FCSK: variants seen among roughly 807,000 people sequenced by gnomAD.
FCSK encodes the protein L-fucose kinase.
In FCSK, 123 loss-of-function variants were observed where a neutral mutation model predicts 122.5. That is an observed-to-expected ratio of 1.00 (90% CI 0.87 to 1.17). The LOEUF (loss-of-function observed/expected upper bound fraction) is 1.17, where lower values mean the gene tolerates loss of function less well. FCSK is among the 50% of genes most tolerant of loss of function. FCSK has a pLI of 0.00. For missense variants in FCSK, 1,366 were observed against 1,450.4 expected (o/e 0.94, Z 0.95); for synonymous variants, 620 against 625.5 (o/e 0.99, Z 0.13).
chr16:70,472,996 T>A lies in FCSK; in HGVS notation c.1420T>A (p.Trp474Arg). ...TCCCCACATCAGAGCCTGGGACCTG[T>A]GGGACCCTGAGACGCTGCCCGCAGA... ...KRTGVRAWDL[W>R]DPETLPAEYC... The change falls in exon 15 of 24, where the codon TGG (tryptophan) becomes AGG (arginine). Residue 474 changes from tryptophan to arginine, a missense_variant. Trp to Arg is a moderately radical substitution (Grantham distance 101). Transcript: ENST00000288078. The A allele has an allele frequency of 1.2e-6, 2 of 1,602,684 alleles. No homozygotes were observed. The highest frequency in any genetic ancestry group is 1.7e-6 in the Non-Finnish European group (2 of 1,175,132).
chr16:70,469,316 T>C lies in FCSK; in HGVS notation c.948T>C (p.Leu316=). The C allele has an allele frequency of 1.3e-6, 2 of 1,596,654 alleles. No individual in the cohort carries two copies. Among genetic ancestry groups the C allele is most frequent in the Non-Finnish European group, 1.7e-6 (2 of 1,173,196 alleles). Residue 316 remains leucine (L), a synonymous_variant, in exon 10 of 24, where the codon CTT becomes CTC. Transcript: ENST00000288078. ...GGAGGGAGCTTCGCGATCAGCCCCT[T>C]ACCATGGGTGGGTACTGCCTCTCAG... is the stretch of plus-strand genomic sequence containing the variant. ...QLWRELRDQP[L]TMAYVSSGSY... is the part of the protein sequence containing the mutation.
In FCSK at chr16:70,470,371, T is replaced by C. The variant is rs1324636951; in HGVS notation, c.1013T>C (p.Leu338Pro). ...YMTSSASEFL[L>P]SLTLPGAPGA... is the part of the protein sequence containing the mutation. ...ACCTCCTCAGCCAGTGAGTTCCTGC[T>C]CAGCCTCACACTCCCCGGGGCTCCT... Residue 338 changes from leucine to proline, a missense_variant, in exon 11 of 24, where the codon CTC (leucine) becomes CCC (proline). Leu to Pro is a moderately conservative substitution (Grantham distance 98). Transcript: ENST00000288078. 1 of 1,613,940 alleles carries C rather than the reference T, an allele frequency of 6.2e-7. No individual in the cohort carries two copies.
Position 70,475,722 on chromosome 16 carries a change from G to A in FCSK, c.2596G>A (p.Ala866Thr), listed in dbSNP as rs748657188. ...RAAGRVVGTE[A>T]LIHAVLHLEQ... ...CGCAGGCCGGGTGGTGGGCACGGAA[G>A]CCCTGATCCACGCAGTGCTGCACCT... The change falls in exon 20 of 24, where the codon GCC becomes ACC. Residue 866 changes from alanine (A) to threonine (T), a missense_variant. Ala to Thr is a moderately conservative substitution (Grantham distance 58). Transcript: ENST00000288078. 2 of 1,603,528 alleles carry A rather than the reference G, an allele frequency of 1.2e-6. No individual in the cohort carries two copies. Among genetic ancestry groups the A allele is most frequent in the East Asian group, 4.5e-5 (2 of 44,604 alleles).
intron 16 of FCSK, 24 bp from the exon 17 acceptor site, chr16:70,474,504 C>CA (rs1372019778): frequency 1.0e-5 from 16 of 1,546,164 alleles, no homozygotes; most frequent in Non-Finnish European, 1.4e-5. Flanking sequence ...TGCATGCCAC[C>CA]ATCCCTCCCC....
At position 70,473,344 on chromosome 16, in the gene FCSK, C is replaced by T. The variant is rs1418473539; in HGVS notation, c.1768C>T (p.Leu590=). The change falls in exon 15 of 24, where the codon CTG becomes TTG. Residue 590 remains leucine (L), a synonymous_variant. Coordinates refer to ENST00000288078, the MANE Select transcript of FCSK (RefSeq NM_145059.3). The surrounding 1 kb of genome is among the most constrained non-coding windows in gnomAD (Gnocchi z 4.9). ...EGCPGPLLAT[L]DQVAAGAGDP... ...CTGCCCCGGGCCCCTGCTGGCCACG[C>T]TGGACCAGGGTGAGTGTGCAGGCTG... is the stretch of plus-strand genomic sequence containing the variant. 7.3e-6 allele frequency: 11 copies of T among 1,503,084 alleles called. No individual in the cohort carries two copies. In the East Asian group the frequency reaches 2.5e-4, roughly 34 times the overall value. The allele number at this position is 1,503,084 out of a possible 1,614,324, so 93.1% of individuals were successfully genotyped here.
Position 70,458,218 on chromosome 16 carries a change from G to A in FCSK, c.-23+3588G>A, listed in dbSNP as rs527883198. Among the ~76,000 whole-genome samples the A allele has an allele frequency of 4.0e-5, 6 of 149,614 alleles. No homozygotes were observed. In the East Asian group the frequency reaches 1.2e-3, roughly 29 times the overall value. On this transcript the variant is annotated intron_variant, in intron 1 of 23. Coordinates refer to ENST00000288078, the MANE Select transcript of FCSK (RefSeq NM_145059.3). ...TCTGTCACCCAGGCTGGAGTGCAGTGGAACAATCTCTGCTCACTGCAACCA... is the reference window on the plus strand; with the variant it reads ...TCTGTCACCCAGGCTGGAGTGCAGTAGAACAATCTCTGCTCACTGCAACCA...
intron 11 of FCSK, 63 bp downstream of exon 11, chr16:70,470,489 C>A: frequency 1.9e-6 from 2 of 1,037,232 alleles, no homozygotes; most frequent in Non-Finnish European, 2.9e-6. Context: ...ATGTGGATTC[C>A]CGGGAAGAAA....
chr16:70,464,882 C>A, intron 3 of FCSK: 1 of 667,420 alleles, frequency 1.5e-6, no homozygotes. Flanking sequence ...TGTCTCAAAA[C>A]AACAACAACA....
chr16:70,462,835 G>A (rs17879236), intron 1 of FCSK, among the ~76,000 whole-genome samples: 6,181 of 135,550 alleles, frequency 0.046, 437 homozygotes, highest in African/African-American at 0.16. Context: ...AGTAGAGACG[G>A]GGTTTCACCA....
chr16:70,475,224 C>A, intron 18 of FCSK, 126 bp from the exon 19 acceptor site: 1 of 1,172,796 alleles, frequency 8.5e-7, no homozygotes, highest in Non-Finnish European at 1.2e-6. Flanking sequence ...GGGATGGGGC[C>A]AGTACTGCTG....
At chr16:70,478,183 C>T (rs2048873894) in intron 20 of FCSK, 89 bp from the exon 21 acceptor site, 1 of 1,353,598 alleles carries the variant, frequency 7.4e-7, no homozygotes, top group Non-Finnish European at 1.0e-6. Context: ...CACACTGGTC[C>T]CAGCAAGGGG....
Position 70,463,687 on chromosome 16 carries a change from C to T in FCSK, c.147C>T (p.Asp49=). 6.2e-7 allele frequency: 1 copy of T among 1,613,162 alleles called. No homozygotes were observed. Among genetic ancestry groups the T allele is most frequent in the South Asian group, 1.1e-5 (1 of 91,062 alleles). ...PAGTLLLAVE[D]PEKRVGSGGA... is the part of the protein sequence containing the mutation. ...GGACGCTGTTACTGGCCGTGGAGGA[C>T]CCAGAGAAGCGTGTGGGCAGCGGAG... Residue 49 remains aspartate, a synonymous_variant, in exon 3 of 24, where the codon GAC becomes GAT. Transcript: ENST00000288078.
Position 70,480,273 on chromosome 16 carries a change from C to T in FCSK, c.*593C>T, listed in dbSNP as rs2048953014. The T allele has an allele frequency of 6.5e-6, 1 of 153,656 alleles. No individual in the cohort carries two copies. Among genetic ancestry groups the T allele is most frequent in the Non-Finnish European group, 1.5e-5 (1 of 68,790 alleles). The allele number at this position is 153,656 out of a possible 1,614,324, so 9.5% of individuals were successfully genotyped here. The stretch of plus-strand genomic sequence containing the variant: ...TTGGAATAAATTCACTCTGTCCTTG[C>T]AGGTGGTCCTCGTAAAGTCACTTTT... On this transcript the variant is annotated 3_prime_UTR_variant, in exon 24 of 24. Transcript: ENST00000288078.
rs1423831477 is a variant in FCSK at position 70,467,377 on chromosome 16, T to C, written c.488T>C (p.Ile163Thr). Residue 163 changes from isoleucine to threonine, a missense_variant, in exon 7 of 24, where the codon ATC (isoleucine) becomes ACC (threonine). Physicochemically the swap from Ile to Thr is moderately conservative, Grantham distance 89 (BLOSUM62 -1). Transcript: ENST00000288078. The part of the protein sequence containing the change: ...MLLSVPANPG[I>T]SWDSFRGARV... ...TCCTGACTGCCCCACCCCACAGGTA[T>C]CAGCTGGGACAGCTTCCGGGGAGCC... The C allele has an allele frequency of 6.2e-7, 1 of 1,606,540 alleles. No homozygotes were observed. The highest frequency in any genetic ancestry group is 8.5e-7 in the Non-Finnish European group (1 of 1,176,978).
intron 1 of FCSK, among the ~76,000 whole-genome samples, chr16:70,459,664 T>G (rs1014959956): frequency 1.2e-3 from 174 of 149,842 alleles, no homozygotes; most frequent in Non-Finnish European, 2.0e-3. Flanking sequence ...GTCTTTTTTT[T>G]TTTTTTTTTT....
intron 1 of FCSK, among the ~76,000 whole-genome samples, chr16:70,462,668 G>A (rs902414363): frequency 3.3e-5 from 5 of 150,726 alleles, no homozygotes; most frequent in African/African-American, 7.3e-5. Context: ...TTTTTGAGAC[G>A]GAGTCTCCCT....
chr16:70,467,006 A>G (rs2048439928), intron 6 of FCSK, 52 bp downstream of exon 6: 1 of 1,554,312 alleles, frequency 6.4e-7, no homozygotes, highest in East Asian at 2.2e-5. Flanking sequence ...CCACAGCAAG[A>G]AGCCAGCTCT....
chr16:70,458,820 A>G (rs2151698512), intron 1 of FCSK, among the ~76,000 whole-genome samples: 1 of 152,296 alleles, frequency 6.6e-6, no homozygotes, highest in African/African-American at 2.4e-5. Flanking sequence ...TATAATAGAT[A>G]ATACATACTG....
rs1235166047 is a variant in FCSK at position 70,469,240 on chromosome 16, A to G, written c.872A>G (p.Gln291Arg). 1.2e-6 allele frequency: 2 copies of G among 1,613,964 alleles called. No individual in the cohort carries two copies. The highest frequency in any genetic ancestry group is 1.7e-5 in the Admixed American group (1 of 60,018). ...GTGGGGAGGCCCCCAGAGTTGGGGC[A>G]AGGCGATGCAGATGTAGCGGGTTAT... ...FLVGRPPELG[Q>R]GDADVAGYLQ... is the part of the protein sequence containing the mutation. The change falls in exon 10 of 24, where the codon CAA (glutamine) becomes CGA (arginine). Residue 291 changes from glutamine to arginine, a missense_variant. Transcript: ENST00000288078.
Sources: gnomAD v4.1 joint callset for allele counts (sites outside exome capture counted in the v4.1 genomes callset) on GRCh38, gnomAD v4.1.1 for gene constraint, Gnocchi (gnomAD v3.1) non-coding constraint, MANE v1.5 for transcripts, NCBI Gene and HGNC (gene_info 2026-07-23, HGNC 2026-07-21) for gene names.